The following NTAN1 variants were observed in gnomAD, a reference collection of about 807,000 sequenced individuals.
NTAN1 encodes N-terminal asparagine amidase.
NTAN1 carries 32 observed loss-of-function variants against 41.9 expected under a neutral mutation model. The observed-to-expected ratio is 0.76, with a 90% CI of 0.58 to 1.03. The LOEUF is 1.03. Ranked by LOEUF, NTAN1 falls within the 50% of genes least tolerant of loss-of-function variation. NTAN1 has a pLI of 0.00. For missense variants in NTAN1, 377 were observed against 377.5 expected (o/e 1.00, Z 0.01); for synonymous variants, 140 against 139.5 (o/e 1.00, Z -0.03).
At position 15,038,053 on chromosome 16, in the gene NTAN1, T is replaced by C; in HGVS notation, c.911A>G (p.Lys304Arg). 1 of 1,612,594 alleles carries C rather than the reference T, an allele frequency of 6.2e-7. No individual in the cohort carries two copies. The highest frequency in any genetic ancestry group is 1.1e-5 in the South Asian group (1 of 90,782). ...YKKNEDGLWE[K>R]ISSPGS Reference sequence around the variant, plus strand: ...TTTTTAACTTCCTGGAGAAGAGATCTTTTCCCACAAGCCATCTTCATTTTT... The same window carrying C: ...TTTTTAACTTCCTGGAGAAGAGATCCTTTCCCACAAGCCATCTTCATTTTT... The change falls in exon 10 of 10, where the codon AAG (lysine) becomes AGG (arginine). Residue 304 changes from lysine (K) to arginine (R), a missense_variant. Transcript: ENST00000287706.
intron 3 of NTAN1, 134 bp downstream of exon 3, chr16:15,047,721 C>T: frequency 1.1e-6 from 1 of 909,002 alleles, no homozygotes; most frequent in South Asian, 1.4e-5. Context: ...ACCAGGGAGA[C>T]ACCATGCAGA....
intron 1 of NTAN1, among the ~76,000 whole-genome samples, chr16:15,055,193 T>A (rs2044457180): frequency 6.6e-6 from 1 of 152,060 alleles, no homozygotes; most frequent in African/African-American, 2.4e-5. Flanking sequence ...CCGCTCTTTT[T>A]AAAACCTGAG....
In NTAN1 at chr16:15,040,018, C is replaced by T. The variant is rs534463977; in HGVS notation, c.590G>A (p.Arg197Gln). ...AEIYRASFQD[R>Q]GPEEQLRAAR... Reference sequence around the variant, plus strand: ...AGCACGAAGCTGCTCCTCCGGACCCCGATCTTGAAAGGATGCTCTGTAAAT... The same window carrying T: ...AGCACGAAGCTGCTCCTCCGGACCCTGATCTTGAAAGGATGCTCTGTAAAT... Residue 197 changes from arginine (R) to glutamine (Q), a missense_variant, in exon 8 of 10, where the codon CGG (arginine) becomes CAG (glutamine). Physicochemically the swap from Arg to Gln is conservative, Grantham distance 43 (BLOSUM62 1). Transcript: ENST00000287706. 5.0e-6 allele frequency: 8 copies of T among 1,612,064 alleles called. No individual in the cohort carries two copies. The highest frequency in any genetic ancestry group is 2.2e-5 in the East Asian group (1 of 44,826).
chr16:15,054,359 CA>C (rs1172090126), intron 1 of NTAN1, among the ~76,000 whole-genome samples: 1 of 152,178 alleles, frequency 6.6e-6, no homozygotes, highest in Non-Finnish European at 1.5e-5. Flanking sequence ...GGTATGTCAC[CA>C]AATCTCCCTC....
chr16:15,041,787 G>A (rs1567757169), intron 5 of NTAN1, 111 bp from the exon 6 acceptor site: 4 of 777,736 alleles, frequency 5.1e-6, no homozygotes, highest in Middle Eastern at 2.9e-4. Flanking sequence ...AGTGTGCTCC[G>A]CCCTACAGCC....
At chr16:15,052,215 G>A (rs1259351979) in intron 1 of NTAN1, among the ~76,000 whole-genome samples, 2 of 152,188 alleles carry the variant, frequency 1.3e-5, no homozygotes. Context: ...AGACAATACA[G>A]ATGTGGCTGT....
intron 1 of NTAN1, among the ~76,000 whole-genome samples, chr16:15,052,371 C>A (rs1402617549): frequency 7.2e-5 from 11 of 152,182 alleles, no homozygotes; most frequent in Non-Finnish European, 1.6e-4. Flanking sequence ...TAAGCAGGGT[C>A]CGGCCCATGA....
In NTAN1 at chr16:15,040,012, G is replaced by A. The variant is rs761945424; in HGVS notation, c.596C>T (p.Pro199Leu). The A allele has an allele frequency of 5.2e-5, 84 of 1,611,662 alleles. No homozygotes were observed. The highest frequency in any genetic ancestry group is 6.5e-5 in the Non-Finnish European group (77 of 1,178,334). The change falls in exon 8 of 10, where the codon CCG (proline) becomes CTG (leucine). Residue 199 changes from proline to leucine, a missense_variant. Transcript: ENST00000287706. ...IYRASFQDRG[P>L]EEQLRAARTL... Reference sequence around the variant, plus strand: ...TCGCGCAGCACGAAGCTGCTCCTCCGGACCCCGATCTTGAAAGGATGCTCT... The same window carrying A: ...TCGCGCAGCACGAAGCTGCTCCTCCAGACCCCGATCTTGAAAGGATGCTCT...
At chr16:15,039,926 C>T (rs750307054) in intron 8 of NTAN1, 43 bp downstream of exon 8, 40 of 1,008,890 alleles carry the variant, frequency 4.0e-5, no homozygotes, top group Non-Finnish European at 5.6e-5. Context: ...CATTTGATGC[C>T]TTTTTTTTTT....
intron 1 of NTAN1, among the ~76,000 whole-genome samples, chr16:15,050,234 T>C (rs551336577): frequency 4.6e-5 from 7 of 152,366 alleles, no homozygotes; most frequent in African/African-American, 1.7e-4. Context: ...TTTTTCAAAA[T>C]ATTAAATTGA....
At chr16:15,038,385 A>ACATTTCCAT in intron 9 of NTAN1, 175 bp from the exon 10 acceptor site, 1 of 619,018 alleles carries the variant, frequency 1.6e-6, no homozygotes, top group African/African-American at 2.0e-5. Context: ...TTACCCACAC[A>ACATTTCCAT]CATTTCCATC....
chr16:15,053,894 A>G (rs2044394420), intron 1 of NTAN1, among the ~76,000 whole-genome samples: 1 of 152,226 alleles, frequency 6.6e-6, no homozygotes, highest in Non-Finnish European at 1.5e-5. Context: ...CCTGGGCCAC[A>G]GAACAAAACT....
chr16:15,038,895 G>A (rs112103398), intron 8 of NTAN1, among the ~76,000 whole-genome samples: 46 of 152,302 alleles, frequency 3.0e-4, no homozygotes, highest in African/African-American at 8.7e-4. Flanking sequence ...ACTGCTGAGC[G>A]CCAACAGCAG....
chr16:15,042,262 C>T (rs957324974), intron 5 of NTAN1, among the ~76,000 whole-genome samples: 4 of 148,960 alleles, frequency 2.7e-5, no homozygotes, highest in Non-Finnish European at 5.9e-5. Context: ...CTCTGCTCAT[C>T]GCAGTCTCCA....
intron 1 of NTAN1, among the ~76,000 whole-genome samples, chr16:15,053,469 TATCA>T (rs2044373052): frequency 7.2e-6 from 1 of 138,208 alleles, no homozygotes; most frequent in Admixed American, 8.2e-5. Flanking sequence ...TATAGTAAGC[TATCA>T]TTTTTTTAAA....
At chr16:15,045,663 T>G (rs2044028617) in intron 4 of NTAN1, 1 of 152,308 alleles carries the variant, frequency 6.6e-6, no homozygotes, top group Admixed American at 6.5e-5. Context: ...GAAGCCCTCC[T>G]TAGGAGTCAC....
In NTAN1 at chr16:15,047,523, C is replaced by T; in HGVS notation, c.278G>A (p.Cys93Tyr). The T allele has an allele frequency of 6.2e-7, 1 of 1,614,006 alleles. No homozygotes were observed. Residue 93 changes from cysteine to tyrosine, a missense_variant, in exon 4 of 10, where the codon TGT (cysteine) becomes TAT (tyrosine). By Grantham distance (194) the Cys-to-Tyr change is radical. Transcript: ENST00000287706. Reference protein sequence around the residue: ...TGNGATCLTHCDGTDTKAEVP... With the variant: ...TGNGATCLTHYDGTDTKAEVP... The stretch of plus-strand genomic sequence containing the variant: ...CTCAGCTTTGGTGTCGGTTCCGTCA[C>T]AATGTGTCAAGCAGGTGGCCCCATT...
chr16:15,041,166 A>T, intron 6 of NTAN1, 45 bp from the exon 7 acceptor site: 1 of 1,200,206 alleles, frequency 8.3e-7, no homozygotes, highest in South Asian at 1.2e-5. Flanking sequence ...AAGAAATACC[A>T]AATGATTATT....
Position 15,055,992 on chromosome 16 carries a change from C to G in NTAN1, c.-21G>C. On this transcript the variant is annotated 5_prime_UTR_variant, in exon 1 of 10. Transcript: ENST00000287706. The stretch of plus-strand genomic sequence containing the variant: ...GGCATCGCGGAGGCGGCCGCCCAGG[C>G]AGGCCCAGGGAGGCGGCGGCCCCCC... The G allele has an allele frequency of 2.5e-6, 3 of 1,203,200 alleles. No individual in the cohort carries two copies. The highest frequency in any genetic ancestry group is 3.4e-5 in the East Asian group (1 of 29,748). The allele number at this position is 1,203,200 out of a possible 1,614,324, so 74.5% of individuals were successfully genotyped here. A position where few individuals can be genotyped will look rare whatever the true frequency, so the allele number is the denominator to read the frequency against.
Sources: gnomAD v4.1 joint callset for allele counts (sites outside exome capture counted in the v4.1 genomes callset) on GRCh38, gnomAD v4.1.1 for gene constraint, MANE v1.5 for transcripts, NCBI Gene and HGNC (gene_info 2026-07-23, HGNC 2026-07-21) for gene names.